Variants in SHLD1 observed in about 807,000 individuals in gnomAD.
SHLD1 encodes the protein shieldin complex subunit 1, also known as RINN1-REV7-interacting novel NHEJ regulator 3.
In SHLD1, 3 loss-of-function variants were observed where a neutral mutation model predicts 5.5. The observed-to-expected ratio is 0.54, with a 90% CI of 0.25 to 1.40. The LOEUF is 1.40. Ranked by LOEUF, SHLD1 falls within the 40% of genes most tolerant of loss-of-function variation. The pLI is 0.15. For synonymous variants in SHLD1, 92 were observed against 94.3 expected (o/e 0.98, Z 0.14); for missense variants, 210 against 244.4 (o/e 0.86, Z 0.94).
At chr20:5,859,031 A>G (rs941433175) in intron 2 of SHLD1, among the ~76,000 whole-genome samples, 2 of 152,172 alleles carry the variant, frequency 1.3e-5, no homozygotes, top group Admixed American at 6.5e-5. Context: ...ATAATACCAG[A>G]ATCACTGGGA....
chr20:5,821,233 G>A (rs993062930), intron 2 of SHLD1, among the ~76,000 whole-genome samples: 1 of 152,152 alleles, frequency 6.6e-6, no homozygotes, highest in Admixed American at 6.5e-5. Flanking sequence ...ATTAAGGCTG[G>A]GCGTGGTGGT....
intron 2 of SHLD1, among the ~76,000 whole-genome samples, chr20:5,816,051 A>C (rs1361387575): frequency 7.0e-6 from 1 of 142,866 alleles, no homozygotes; most frequent in Non-Finnish European, 1.5e-5. Context: ...ACTGCACTCC[A>C]GTCTGGGTGA....
intron 2 of SHLD1, among the ~76,000 whole-genome samples, chr20:5,799,264 CT>C (rs371053892): frequency 5.3e-5 from 8 of 151,550 alleles, no homozygotes; most frequent in African/African-American, 1.9e-4. Context: ...CTCCCCTCCC[CT>C]ATTCTCTCTC....
intron 2 of SHLD1, among the ~76,000 whole-genome samples, chr20:5,848,945 A>G (rs1411100366): frequency 2.6e-5 from 4 of 152,218 alleles, no homozygotes; most frequent in Non-Finnish European, 5.9e-5. Context: ...ATAAACAAGT[A>G]CAGAGACTGT....
intron 2 of SHLD1, among the ~76,000 whole-genome samples, chr20:5,774,458 T>A (rs7272358): frequency 0.26 from 39,302 of 151,990 alleles, 5,171 homozygotes; most frequent in Middle Eastern, 0.32. Context: ...CCTGACTGTG[T>A]TAGTTCATTC....
At chr20:5,816,637 T>C (rs1195801543) in intron 2 of SHLD1, among the ~76,000 whole-genome samples, 2 of 152,216 alleles carry the variant, frequency 1.3e-5, no homozygotes, top group African/African-American at 4.8e-5. Context: ...CTGATTTGTT[T>C]CCAGTTCATA....
intron 2 of SHLD1, among the ~76,000 whole-genome samples, chr20:5,833,392 C>A (rs978141118): frequency 2.0e-5 from 3 of 152,116 alleles, no homozygotes; most frequent in African/African-American, 7.2e-5. Flanking sequence ...ATGAGGTTGT[C>A]CATTGGTAAG....
At chr20:5,849,107 G>T (rs2087967138) in intron 2 of SHLD1, among the ~76,000 whole-genome samples, 1 of 152,182 alleles carries the variant, frequency 6.6e-6, no homozygotes, top group African/African-American at 2.4e-5. Context: ...ATCGTGGAAG[G>T]CAGGGTTGCT....
intron 1 of SHLD1, chr20:5,772,312 C>G (rs1985212157): frequency 2.8e-6 from 1 of 359,304 alleles, no homozygotes; most frequent in Non-Finnish European, 5.6e-6. Flanking sequence ...CACTGTGATA[C>G]CACAACAGTC....
intron 2 of SHLD1, among the ~76,000 whole-genome samples, chr20:5,793,544 C>G (rs2087171029): frequency 6.6e-6 from 1 of 152,116 alleles, no homozygotes; most frequent in African/African-American, 2.4e-5. Flanking sequence ...ACCATTCTTG[C>G]TTTCCAAGAT....
rs2087381103 is a variant in SHLD1 at position 5,806,716 on chromosome 20, G to GT, written c.178+33675dup. On this transcript the variant is annotated intron_variant, in intron 2 of 2. Transcript: ENST00000303142. This position sits in a 1 kb window ranked among gnomAD's most constrained non-coding sequence, Gnocchi z 7.6. ...GCAGAATGAAGGGAGAGTTGGCTTT[G>GT]TTAACCACCTTGGCTGCCCGTGATG... 6.6e-6 allele frequency among the ~76,000 whole-genome samples: 1 copy of GT among 152,194 alleles called. No homozygotes were observed. Among genetic ancestry groups the GT allele is most frequent in the Non-Finnish European group, 1.5e-5 (1 of 68,030 alleles).
At chr20:5,793,373 G>A (rs188717552) in intron 2 of SHLD1, among the ~76,000 whole-genome samples, 4 of 152,270 alleles carry the variant, frequency 2.6e-5, no homozygotes, top group Admixed American at 2.6e-4. Flanking sequence ...CAAAAAACCT[G>A]TAACAAAAAC....
chr20:5,822,560 C>G (rs2087617626), intron 2 of SHLD1, among the ~76,000 whole-genome samples: 1 of 152,040 alleles, frequency 6.6e-6, no homozygotes, highest in Non-Finnish European at 1.5e-5. Context: ...GCTTGTGTCC[C>G]TAAGTCCCAG....
rs1170885121 is a variant in SHLD1 at position 5,815,615 on chromosome 20, G to A, written c.178+42572G>A. Among the ~76,000 whole-genome samples, 3 of 152,236 alleles carry A rather than the reference G, an allele frequency of 2.0e-5. No individual in the cohort carries two copies. In the East Asian group the frequency reaches 5.8e-4, roughly 29 times the overall value. On this transcript the variant is annotated intron_variant, in intron 2 of 2. Transcript: ENST00000303142. ...TAACTGGGCATTGAAGGTCCACAAA[G>A]CCTAAAATATTTACTATCTGGCCCT... is the stretch of plus-strand genomic sequence containing the variant.
At chr20:5,784,564 C>CCT (rs2087031817) in intron 2 of SHLD1, among the ~76,000 whole-genome samples, 1 of 151,998 alleles carries the variant, frequency 6.6e-6, no homozygotes, top group African/African-American at 2.4e-5. Context: ...CATTCTCCTG[C>CCT]CTCAGCCTCC....
At chr20:5,781,953 T>C (rs2086994844) in intron 2 of SHLD1, among the ~76,000 whole-genome samples, 1 of 152,328 alleles carries the variant, frequency 6.6e-6, no homozygotes, top group South Asian at 2.1e-4. Flanking sequence ...ACGAGCTGAA[T>C]AGAGGCCCCT....
intron 2 of SHLD1, among the ~76,000 whole-genome samples, chr20:5,822,788 A>G (rs371109840): frequency 1.5e-4 from 23 of 151,952 alleles, no homozygotes; most frequent in African/African-American, 4.8e-5. Flanking sequence ...ATTCTTGGCT[A>G]CATACAAAGA....
At chr20:5,754,116 AT>A (rs531153702) in intron 1 of SHLD1, among the ~76,000 whole-genome samples, 8 of 150,712 alleles carry the variant, frequency 5.3e-5, no homozygotes, top group African/African-American at 1.7e-4. Flanking sequence ...CATATGATCT[AT>A]TTTTTTTTCT....
chr20:5,819,220 T>C (rs945914245), intron 2 of SHLD1, among the ~76,000 whole-genome samples: 1 of 152,084 alleles, frequency 6.6e-6, no homozygotes, highest in Non-Finnish European at 1.5e-5. Context: ...TTCCCCCTAG[T>C]GGAACTAAGC....
Sources: allele counts gnomAD v4.1 joint callset (sites outside exome capture counted in the v4.1 genomes callset), GRCh38; gene constraint gnomAD v4.1.1; non-coding constraint Gnocchi (gnomAD v3.1); transcripts MANE v1.5; gene names NCBI Gene and HGNC (gene_info 2026-07-23, HGNC 2026-07-21).